The following BMPR1B variants were observed in gnomAD, a reference collection of about 807,000 sequenced individuals.
BMPR1B encodes bone morphogenetic protein receptor type 1B, also known as bone morphogenetic protein receptor type-1B.
In BMPR1B, 12 loss-of-function variants were observed where a neutral mutation model predicts 59.1. The ratio of observed to expected loss-of-function variants is 0.20; its 90% CI spans 0.13 to 0.33. The LOEUF is 0.33. BMPR1B is among the 10% of genes least tolerant of loss of function. The pLI, the probability that BMPR1B is intolerant of heterozygous loss-of-function variation, is 1.00. For synonymous variants in BMPR1B, 237 were observed against 207.3 expected (o/e 1.14, Z -1.23); for missense variants, 550 against 610.9 (o/e 0.90, Z 1.05).
At chr4:94,895,873 A>G (rs1190416478) in intron 2 of BMPR1B, among the ~76,000 whole-genome samples, 2 of 152,062 alleles carry the variant, frequency 1.3e-5, no homozygotes, top group Non-Finnish European at 2.9e-5. Context: ...AGGAAAGGAA[A>G]CTAACCAATG....
intron 2 of BMPR1B, among the ~76,000 whole-genome samples, chr4:94,945,350 T>C (rs17401571): frequency 0.25 from 37,647 of 152,152 alleles, 4,690 homozygotes; most frequent in South Asian, 0.36. Flanking sequence ...TCCATAGAGT[T>C]AATAATCTAA....
At chr4:94,888,084 ATTG>A (rs1727252024) in intron 2 of BMPR1B, among the ~76,000 whole-genome samples, 1 of 152,116 alleles carries the variant, frequency 6.6e-6, no homozygotes, top group Non-Finnish European at 1.5e-5. Flanking sequence ...CAGTTTTGTT[ATTG>A]TTATTATTTT....
chr4:95,108,192 G>A (rs1043670179), intron 4 of BMPR1B, among the ~76,000 whole-genome samples: 1 of 151,978 alleles, frequency 6.6e-6, no homozygotes, highest in African/African-American at 2.4e-5. Context: ...TGCTATACAA[G>A]TTTTCATTTT....
chr4:94,953,625 G>A (rs922494186), intron 2 of BMPR1B, among the ~76,000 whole-genome samples: 5 of 152,182 alleles, frequency 3.3e-5, no homozygotes, highest in African/African-American at 1.2e-4. Flanking sequence ...AGAGAGATCC[G>A]CTGTTAGCGT....
At chr4:95,000,683 C>T (rs1722383210) in intron 3 of BMPR1B, among the ~76,000 whole-genome samples, 1 of 151,794 alleles carries the variant, frequency 6.6e-6, no homozygotes, top group Admixed American at 6.6e-5. Flanking sequence ...ATACCAAGTT[C>T]CTGTTAGCCA....
intron 6 of BMPR1B, among the ~76,000 whole-genome samples, chr4:95,120,646 C>CTTCCTTCCTTCCTTCCTTCCTTCCT: frequency 6.9e-6 from 1 of 144,948 alleles, no homozygotes; most frequent in African/African-American, 2.7e-5. Flanking sequence ...TCCTTCCTTC[C>CTTCCTTCCTTCCTTCCTTCCTTCCT]TTCCTTTCCT....
chr4:95,129,811 C>CA (rs764241929), intron 8 of BMPR1B, 51 bp from the exon 9 acceptor site: 1 of 1,584,114 alleles, frequency 6.3e-7, no homozygotes, highest in Admixed American at 1.7e-5. Flanking sequence ...AAAGATTAAA[C>CA]AAATCTGTAG....
chr4:94,934,171 A>G (rs1404786469), intron 2 of BMPR1B, among the ~76,000 whole-genome samples: 1 of 152,196 alleles, frequency 6.6e-6, no homozygotes, highest in Non-Finnish European at 1.5e-5. Context: ...CAAGTGTTCA[A>G]TCTTCCCATG....
chr4:94,831,157 C>A, intron 1 of BMPR1B, among the ~76,000 whole-genome samples: 1 of 147,938 alleles, frequency 6.8e-6, no homozygotes, highest in Admixed American at 6.8e-5. Flanking sequence ...AAGACAGTGA[C>A]ATTGGTGATC....
Position 94,798,979 on chromosome 4 carries a change from G to C in BMPR1B, c.-183+40911G>C, listed in dbSNP as rs186510856. ...CAGCAAGATACTTGGCTAAATATGA[G>C]TCAGCGTGGTTGCTAACCCAAACCT... On this transcript the variant is annotated intron_variant, in intron 1 of 12. Transcript: ENST00000515059. Among the ~76,000 whole-genome samples, 27 of 151,886 alleles carry C rather than the reference G, an allele frequency of 1.8e-4. No homozygotes were observed. The East Asian group carries it at 4.8e-3, about 27-fold the overall frequency.
At chr4:95,042,325 A>G (rs1725716216) in intron 3 of BMPR1B, among the ~76,000 whole-genome samples, 1 of 152,250 alleles carries the variant, frequency 6.6e-6, no homozygotes, top group Non-Finnish European at 1.5e-5. Context: ...AGAGTCAGAG[A>G]TAATGGTGAT....
intron 10 of BMPR1B, among the ~76,000 whole-genome samples, chr4:95,137,314 G>C (rs1333593149): frequency 6.6e-6 from 1 of 152,212 alleles, no homozygotes; most frequent in Non-Finnish European, 1.5e-5. Flanking sequence ...TTGCTGAAGA[G>C]TGCTTTACTT....
chr4:94,786,458 T>C (rs1446650110), intron 1 of BMPR1B, among the ~76,000 whole-genome samples: 3 of 150,918 alleles, frequency 2.0e-5, no homozygotes, highest in African/African-American at 7.3e-5. Context: ...CTTCAAACCC[T>C]TGGGCTCAAG....
chr4:94,823,431 G>A (rs1332715282), intron 1 of BMPR1B, among the ~76,000 whole-genome samples: 1 of 152,120 alleles, frequency 6.6e-6, no homozygotes, highest in African/African-American at 2.4e-5. Context: ...AAAAGGCTGG[G>A]GGCAAAGCTG....
chr4:95,157,729 A>C lies in BMPR1B; in HGVS notation c.*3056A>C, dbSNP rs967915227. 2 of 152,062 alleles carry C rather than the reference A, an allele frequency of 1.3e-5. No homozygotes were observed. Among genetic ancestry groups the C allele is most frequent in the Non-Finnish European group, 2.9e-5 (2 of 67,990 alleles). The allele number at this position is 152,062 out of a possible 1,614,324, so 9.4% of individuals were successfully genotyped here. On this transcript the variant is annotated 3_prime_UTR_variant, in exon 13 of 13. Coordinates refer to ENST00000515059, the MANE Select transcript of BMPR1B (RefSeq NM_001203.3). ...ATTATGGATGATAAAGTACTAAATG[A>C]AACATAATATTTATTTATAAAAGTG...
At chr4:94,845,146 A>G (rs1048634949) in intron 1 of BMPR1B, among the ~76,000 whole-genome samples, 10 of 152,140 alleles carry the variant, frequency 6.6e-5, no homozygotes, top group Admixed American at 1.3e-4. Flanking sequence ...TCATAGATGA[A>G]ATATTTCGTA....
chr4:94,944,941 A>G (rs918873871), intron 2 of BMPR1B, among the ~76,000 whole-genome samples: 12 of 152,296 alleles, frequency 7.9e-5, no homozygotes, highest in African/African-American at 2.2e-4. Flanking sequence ...TGTGAGCTTT[A>G]CATTATAAAC....
chr4:94,811,416 G>C (rs1031805353), intron 1 of BMPR1B, among the ~76,000 whole-genome samples: 1 of 152,194 alleles, frequency 6.6e-6, no homozygotes, highest in Non-Finnish European at 1.5e-5. Context: ...TCATTAGGTA[G>C]AGCTGAGGCA....
At chr4:94,776,293 T>C (rs979539180) in intron 1 of BMPR1B, among the ~76,000 whole-genome samples, 3 of 152,146 alleles carry the variant, frequency 2.0e-5, no homozygotes. Flanking sequence ...TGGGAGTATT[T>C]GATCAAAGAA....
Sources: gnomAD v4.1 joint callset for allele counts (sites outside exome capture counted in the v4.1 genomes callset) on GRCh38, gnomAD v4.1.1 for gene constraint, MANE v1.5 for transcripts, NCBI Gene and HGNC (gene_info 2026-07-23, HGNC 2026-07-21) for gene names.